RPGRIP1: variants seen among roughly 807,000 people sequenced by gnomAD.
RPGRIP1 encodes the protein RPGR interacting protein 1, also known as X-linked retinitis pigmentosa GTPase regulator-interacting protein 1.
A neutral mutation model predicts 157.9 loss-of-function variants in RPGRIP1; 128 were observed. The ratio of observed to expected loss-of-function variants is 0.81; its 90% CI spans 0.70 to 0.94. The LOEUF (loss-of-function observed/expected upper bound fraction) is 0.94. Among genes scored for constraint, RPGRIP1 ranks in the 40% least tolerant of loss-of-function variants. The pLI is 0.00. For missense variants in RPGRIP1, 1,486 were observed against 1,545.8 expected, an observed-to-expected ratio of 0.96 and a Z score of 0.65; for synonymous variants, 554 against 571.6, an observed-to-expected ratio of 0.97 and a Z score of 0.44.
intron 23 of RPGRIP1, among the ~76,000 whole-genome samples, 161 bp from the exon 24 acceptor site, chr14:21,348,011 C>T (rs532114177): frequency 6.6e-6 from 1 of 152,230 alleles, no homozygotes; most frequent in Admixed American, 6.5e-5. Context: ...TAAATTATAC[C>T]AATTCCTGAC....
intron 10 of RPGRIP1, among the ~76,000 whole-genome samples, chr14:21,317,122 A>G (rs952596297): frequency 6.6e-6 from 1 of 151,880 alleles, no homozygotes; most frequent in African/African-American, 2.4e-5. Context: ...TCTGTCTCAA[A>G]AAAAAAAGAA....
At chr14:21,313,399 A>G (rs1594185821) in intron 10 of RPGRIP1, among the ~76,000 whole-genome samples, 1 of 152,124 alleles carries the variant, frequency 6.6e-6, no homozygotes, top group African/African-American at 2.4e-5. Flanking sequence ...GCAAAAAAAC[A>G]AAAACAAATA....
At chr14:21,339,924 A>G (rs1305425088) in intron 21 of RPGRIP1, among the ~76,000 whole-genome samples, 2 of 152,218 alleles carry the variant, frequency 1.3e-5, no homozygotes, top group Non-Finnish European at 2.9e-5. Context: ...AGTAAAGCAG[A>G]TAGCTCTGAG....
chr14:21,340,615 G>A (rs762394782), intron 21 of RPGRIP1, among the ~76,000 whole-genome samples: 3 of 152,104 alleles, frequency 2.0e-5, no homozygotes, highest in Admixed American at 6.6e-5. Context: ...ACGTCGCACC[G>A]TTGCACTCCA....
chr14:21,344,320 A>G (rs1384354239), intron 22 of RPGRIP1, among the ~76,000 whole-genome samples: 1 of 152,022 alleles, frequency 6.6e-6, no homozygotes, highest in Non-Finnish European at 1.5e-5. Flanking sequence ...CGTGTCCTTC[A>G]ACAGTCTTCC....
rs1178260863 is a variant in RPGRIP1, at chr14:21,324,527, A to G, written c.1763-91A>G. 5.7e-6 allele frequency: 6 copies of G among 1,051,862 alleles called. 1 individual carries two copies. In the South Asian group the frequency reaches 7.7e-5, roughly 14 times the overall value. The allele number at this position is 1,051,862 out of a possible 1,614,324, so 65.2% of individuals were successfully genotyped here. ...AATAATCACAACTTGGACTTCCACCATGTGTTTTATATTTCTTTTGTCCAC... is the reference window on the plus strand; with the variant it reads ...AATAATCACAACTTGGACTTCCACCGTGTGTTTTATATTTCTTTTGTCCAC... On this transcript the variant is annotated intron_variant, in intron 14 of 24. Transcript: ENST00000400017.
chr14:21,311,023 A>G (rs1881518961), intron 8 of RPGRIP1: 1 of 469,462 alleles, frequency 2.1e-6, no homozygotes, highest in Admixed American at 2.3e-5. Context: ...AAGCTAGGTG[A>G]ATGTCTGTGC....
chr14:21,309,079 G>A (rs1310251857), intron 7 of RPGRIP1, among the ~76,000 whole-genome samples: 1 of 152,230 alleles, frequency 6.6e-6, no homozygotes, highest in Non-Finnish European at 1.5e-5. Flanking sequence ...CTTCCCGGCT[G>A]TAAGAGCCAG....
intron 21 of RPGRIP1, among the ~76,000 whole-genome samples, chr14:21,340,446 G>A (rs1884881441): frequency 6.6e-6 from 1 of 152,208 alleles, no homozygotes; most frequent in South Asian, 2.1e-4. Flanking sequence ...CTTGAGGCCA[G>A]GAGTTCGAGA....
chr14:21,302,440 C>T, intron 4 of RPGRIP1, 48 bp from the exon 5 acceptor site: 3 of 1,060,056 alleles, frequency 2.8e-6, no homozygotes, highest in Non-Finnish European at 4.0e-6. Flanking sequence ...ACTTGGTGTT[C>T]CGGAGGGTAC....
chr14:21,343,866 G>GTTTTTTTTTTTTTT lies in RPGRIP1; in HGVS notation c.3532+666_3532+679dup, dbSNP rs67535379. ...TGATTTTTGTTCTTCCTCTTTTCCT[G>GTTTTTTTTTTTTTT]TTTTTTTTTTTTTTTTTTTTTTTTT... On this transcript the variant is annotated intron_variant, in intron 22 of 24. Transcript: ENST00000400017. Among the ~76,000 whole-genome samples, 19 of 50,438 alleles carry GTTTTTTTTTTTTTT rather than the reference G, an allele frequency of 3.8e-4. 4 individuals carry two copies. The highest frequency in any genetic ancestry group is 4.3e-4 in the Non-Finnish European group (12 of 27,770). The allele number at this position is 50,438 out of a possible 152,430, so 33.1% of individuals were successfully genotyped here. A position where few individuals can be genotyped will look rare whatever the true frequency, so the allele number is the denominator to read the frequency against.
chr14:21,330,553 C>G (rs775259260), intron 20 of RPGRIP1, among the ~76,000 whole-genome samples, 166 bp downstream of exon 20: 6 of 152,004 alleles, frequency 3.9e-5, no homozygotes, highest in Non-Finnish European at 8.8e-5. Context: ...GTAATCCCAG[C>G]TACGTGGGCG....
intron 20 of RPGRIP1, among the ~76,000 whole-genome samples, chr14:21,332,395 A>T (rs1883883183): frequency 6.6e-6 from 1 of 152,234 alleles, no homozygotes; most frequent in Admixed American, 6.5e-5. Context: ...GGTTAACAAG[A>T]ATAACCAAGC....
intron 6 of RPGRIP1, 115 bp from the exon 7 acceptor site, chr14:21,307,616 A>T (rs1385787256): frequency 2.5e-5 from 17 of 674,226 alleles, no homozygotes; most frequent in Non-Finnish European, 4.6e-5. Flanking sequence ...TAGTGTGGGT[A>T]AGACGGGAAG....
In RPGRIP1 at chr14:21,302,514, GCCC is replaced by G; in HGVS notation, c.519_521del (p.Pro175del). The G allele has an allele frequency of 6.3e-7, 1 of 1,585,128 alleles. No homozygotes were observed. Among genetic ancestry groups the G allele is most frequent in the Non-Finnish European group, 8.6e-7 (1 of 1,163,422 alleles). On this transcript the variant is annotated inframe_deletion, in exon 5 of 25. Coordinates refer to ENST00000400017, the MANE Select transcript of RPGRIP1 (RefSeq NM_020366.4). ...GCCAAGGGACAGGCTGAGCTACACA[GCCC>G]CTCCATCGTTTAAGGAGCATGCGAC...
rs1184723905 is a variant in RPGRIP1, at chr14:21,324,970, G to T, written c.2115G>T (p.Gln705His). The T allele has an allele frequency of 6.2e-7, 1 of 1,613,866 alleles. No individual in the cohort carries two copies. The highest frequency in any genetic ancestry group is 8.5e-7 in the Non-Finnish European group (1 of 1,179,906). Residue 705 changes from glutamine to histidine, a missense_variant, in exon 15 of 25, where the codon CAG becomes CAT. Coordinates refer to ENST00000400017, the MANE Select transcript of RPGRIP1 (RefSeq NM_020366.4). ...QEASARLDIH[Q>H]AMASEHSTLA... Reference sequence around the variant, plus strand: ...CTTCAGCCCGGCTTGACATACACCAGGCCATGGCCAGTGAACACAGCACTC... The same window carrying T: ...CTTCAGCCCGGCTTGACATACACCATGCCATGGCCAGTGAACACAGCACTC...
chr14:21,324,350 C>A (rs1412520585), intron 14 of RPGRIP1: 4 of 520,672 alleles, frequency 7.7e-6, no homozygotes, highest in Non-Finnish European at 1.4e-5. Flanking sequence ...ATAAAATGTG[C>A]CCCCAGTGTT....
intron 11 of RPGRIP1, chr14:21,318,293 GTAGAGA>G (rs1881996991): frequency 5.9e-6 from 2 of 339,380 alleles, no homozygotes. Flanking sequence ...TTTGTATTTA[GTAGAGA>G]TGGGGTTTTA....
chr14:21,301,432 G>A (rs1002870382), intron 4 of RPGRIP1, among the ~76,000 whole-genome samples, 195 bp downstream of exon 4: 2 of 151,970 alleles, frequency 1.3e-5, no homozygotes, highest in Non-Finnish European at 1.5e-5. Context: ...ATTCACCATG[G>A]AGTGTCGCTG....
Sources: gnomAD v4.1 joint callset for allele counts (sites outside exome capture counted in the v4.1 genomes callset) on GRCh38, gnomAD v4.1.1 for gene constraint, MANE v1.5 for transcripts, NCBI Gene and HGNC (gene_info 2026-07-23, HGNC 2026-07-21) for gene names.